NXPH1: variants seen among roughly 807,000 people sequenced by gnomAD.
NXPH1 encodes the protein neurexophilin 1.
In NXPH1, 5 loss-of-function variants were observed where a neutral mutation model predicts 23.7. The observed-to-expected ratio is 0.21, with a 90% CI of 0.11 to 0.44. The LOEUF (loss-of-function observed/expected upper bound fraction) is 0.44. NXPH1 is among the 20% of genes least tolerant of loss of function. The probability of loss-of-function intolerance (pLI) is 0.99; values close to 1 mark genes in which losing one functional copy is unlikely to be tolerated. For synonymous variants in NXPH1, 144 were observed against 122.2 expected (o/e 1.18, Z -1.18); for missense variants, 324 against 321.6 (o/e 1.01, Z -0.06).
intron 2 of NXPH1, among the ~76,000 whole-genome samples, chr7:8,588,075 A>G (rs1444300652): frequency 6.6e-6 from 1 of 152,178 alleles, no homozygotes; most frequent in East Asian, 1.9e-4. Context: ...TTAGAATGGC[A>G]ATCATTAAGA....
intron 2 of NXPH1, among the ~76,000 whole-genome samples, chr7:8,743,714 C>T (rs549443656): frequency 4.1e-5 from 6 of 145,924 alleles, no homozygotes; most frequent in Admixed American, 6.9e-5. Flanking sequence ...GATTGAGTCT[C>T]GCTCTGTGGC....
chr7:8,468,467 T>C (rs1187576437), intron 2 of NXPH1, among the ~76,000 whole-genome samples: 1 of 152,140 alleles, frequency 6.6e-6, no homozygotes, highest in East Asian at 1.9e-4. Context: ...CATTTTAAGA[T>C]ATTTTGTCCA....
At chr7:8,628,906 C>T (rs907172151) in intron 2 of NXPH1, among the ~76,000 whole-genome samples, 10 of 151,008 alleles carry the variant, frequency 6.6e-5, no homozygotes, top group African/African-American at 2.2e-4. Flanking sequence ...GTTGAGATGA[C>T]GAAAGCCTCA....
chr7:8,607,048 A>G (rs897750283), intron 2 of NXPH1, among the ~76,000 whole-genome samples: 2 of 152,022 alleles, frequency 1.3e-5, no homozygotes, highest in African/African-American at 4.8e-5. Flanking sequence ...TGGGGCTTTA[A>G]TTCTAGTTTT....
intron 2 of NXPH1, among the ~76,000 whole-genome samples, chr7:8,568,368 C>G (rs1818584343): frequency 6.6e-6 from 1 of 151,842 alleles, no homozygotes; most frequent in South Asian, 2.1e-4. Flanking sequence ...TTTTAAAAAT[C>G]TCATGCTTTC....
chr7:8,686,939 AT>A, intron 2 of NXPH1, among the ~76,000 whole-genome samples: 1 of 152,218 alleles, frequency 6.6e-6, no homozygotes, highest in East Asian at 1.9e-4. Flanking sequence ...AAGAAGTTTT[AT>A]TTTTTAATGA....
chr7:8,712,076 A>G (rs930461344), intron 2 of NXPH1, among the ~76,000 whole-genome samples: 2 of 152,160 alleles, frequency 1.3e-5, no homozygotes, highest in Non-Finnish European at 2.9e-5. Flanking sequence ...GAGAGTCGAG[A>G]AGTGGAGCTT....
chr7:8,449,233 A>AT (rs1245631725), intron 2 of NXPH1, among the ~76,000 whole-genome samples: 1 of 152,238 alleles, frequency 6.6e-6, no homozygotes, highest in African/African-American at 2.4e-5. Context: ...GAGCCACAGT[A>AT]TCCCTCTCAT....
chr7:8,469,245 A>G (rs1771489975), intron 2 of NXPH1, among the ~76,000 whole-genome samples: 1 of 151,770 alleles, frequency 6.6e-6, no homozygotes, highest in Non-Finnish European at 1.5e-5. Context: ...TTCTTGGACT[A>G]TTTTAGACTT....
At chr7:8,677,778 G>A (rs1017801001) in intron 2 of NXPH1, among the ~76,000 whole-genome samples, 9 of 152,086 alleles carry the variant, frequency 5.9e-5, no homozygotes, top group African/African-American at 2.2e-4. Context: ...GATTTTTATT[G>A]ATAATAAAAC....
At chr7:8,544,697 A>C (rs1818173888) in intron 2 of NXPH1, among the ~76,000 whole-genome samples, 2 of 151,702 alleles carry the variant, frequency 1.3e-5, no homozygotes, top group South Asian at 4.1e-4. Context: ...TATCAGTTCT[A>C]AAGTGCCTGT....
chr7:8,500,808 C>T (rs961567660), intron 2 of NXPH1, among the ~76,000 whole-genome samples: 1 of 152,020 alleles, frequency 6.6e-6, no homozygotes, highest in African/African-American at 2.4e-5. Flanking sequence ...CAGTGTTACA[C>T]GATTTTGATG....
chr7:8,619,183 T>C (rs900417297), intron 2 of NXPH1, among the ~76,000 whole-genome samples: 6 of 152,146 alleles, frequency 3.9e-5, no homozygotes, highest in African/African-American at 1.4e-4. Flanking sequence ...TGGCATAGTT[T>C]TGAGGTGGCG....
At chr7:8,617,897 C>G (rs753158782) in intron 2 of NXPH1, among the ~76,000 whole-genome samples, 8 of 152,066 alleles carry the variant, frequency 5.3e-5, no homozygotes, top group Non-Finnish European at 1.0e-4. Context: ...GTTAAAATAT[C>G]TCATGTACTC....
chr7:8,503,532 C>G (rs572948435), intron 2 of NXPH1, among the ~76,000 whole-genome samples: 58 of 152,050 alleles, frequency 3.8e-4, no homozygotes, highest in African/African-American at 1.3e-3. Flanking sequence ...TTTCTTGATA[C>G]TTTTTCTGCC....
At chr7:8,501,978 G>A (rs993761387) in intron 2 of NXPH1, among the ~76,000 whole-genome samples, 1 of 152,060 alleles carries the variant, frequency 6.6e-6, no homozygotes, top group African/African-American at 2.4e-5. Context: ...AATCTGAGAT[G>A]TCATCTGAGT....
chr7:8,486,997 ATAT>A (rs1817169452), intron 2 of NXPH1, among the ~76,000 whole-genome samples: 1 of 152,130 alleles, frequency 6.6e-6, no homozygotes. Flanking sequence ...CCATGATCAG[ATAT>A]TATGCATATA....
intron 2 of NXPH1, among the ~76,000 whole-genome samples, chr7:8,453,381 A>T (rs1816539675): frequency 6.6e-6 from 1 of 152,128 alleles, no homozygotes. Context: ...ATCACCAAAA[A>T]TGTTATAGAA....
At chr7:8,723,830 TA>T (rs1780006194) in intron 2 of NXPH1, among the ~76,000 whole-genome samples, 1 of 151,802 alleles carries the variant, frequency 6.6e-6, no homozygotes, top group Non-Finnish European at 1.5e-5. Flanking sequence ...GGAAGCAGCT[TA>T]TACACAGGTT....
Sources: allele counts gnomAD v4.1 joint callset (sites outside exome capture counted in the v4.1 genomes callset), GRCh38; gene constraint gnomAD v4.1.1; transcripts MANE v1.5; gene names NCBI Gene and HGNC (gene_info 2026-07-23, HGNC 2026-07-21).